Variants in SVOP observed in about 807,000 individuals in gnomAD.
SVOP encodes the protein SV2 related protein, also known as synaptic vesicle 2-related protein.
In SVOP, 17 loss-of-function variants were observed where a neutral mutation model predicts 69.1. The observed-to-expected ratio is 0.25, with a 90% CI of 0.17 to 0.37. The LOEUF (loss-of-function observed/expected upper bound fraction) is 0.37, where lower values mean the gene tolerates loss of function less well. SVOP is among the 10% of genes least tolerant of loss of function. SVOP has a pLI of 1.00. For missense variants in SVOP, 435 were observed against 597.5 expected, an observed-to-expected ratio of 0.73 and a Z score of 2.84; for synonymous variants, 238 against 238.6, an observed-to-expected ratio of 1.00 and a Z score of 0.02.
intron 11 of SVOP, among the ~76,000 whole-genome samples, chr12:108,931,133 G>A (rs2039815313): frequency 6.6e-6 from 1 of 152,102 alleles, no homozygotes; most frequent in Non-Finnish European, 1.5e-5. Flanking sequence ...TACAATCAAA[G>A]CACATCAGCA....
intron 11 of SVOP, among the ~76,000 whole-genome samples, chr12:108,932,564 A>G (rs2039828049): frequency 6.6e-6 from 1 of 152,180 alleles, no homozygotes; most frequent in South Asian, 2.1e-4. Flanking sequence ...TTAACTGCAA[A>G]CCAAAAATGA....
chr12:108,917,280 A>G (rs992877257), intron 14 of SVOP, among the ~76,000 whole-genome samples: 2 of 152,250 alleles, frequency 1.3e-5, no homozygotes, highest in African/African-American at 4.8e-5. Flanking sequence ...TTGCACATAT[A>G]TCTTCATTCA....
At chr12:108,938,011 T>C (rs1056522997) in intron 9 of SVOP, among the ~76,000 whole-genome samples, 5 of 152,180 alleles carry the variant, frequency 3.3e-5, no homozygotes, top group African/African-American at 9.6e-5. Context: ...GGCAACCAAA[T>C]AGGCTTCTGC....
chr12:109,014,647 A>G (rs1593211250), intron 1 of SVOP, among the ~76,000 whole-genome samples: 1 of 152,148 alleles, frequency 6.6e-6, no homozygotes, highest in Admixed American at 6.5e-5. Flanking sequence ...ACACTATTTT[A>G]TATTTCACCA....
chr12:108,912,611 T>A lies in SVOP; in HGVS notation c.1571A>T (p.Glu524Val), dbSNP rs1433583984. The change falls in exon 16 of 16, where the codon GAG becomes GTG. Residue 524 changes from glutamate to valine, a missense_variant. Coordinates refer to ENST00000610966, the MANE Select transcript of SVOP (RefSeq NM_018711.5). ...TCGGCCGACCATCTCCTGGCCCCAC[T>A]CCCGGTGGCTGGACTCCTGCAGTCC... The part of the protein sequence containing the change: ...GRGLQESSHR[E>V]WGQEMVGRGM... 19 of 1,613,740 alleles carry A rather than the reference T, an allele frequency of 1.2e-5. No individual in the cohort carries two copies. The highest frequency in any genetic ancestry group is 1.6e-5 in the Non-Finnish European group (19 of 1,179,818).
chr12:108,934,205 A>G lies in SVOP; in HGVS notation c.1038T>C (p.Asp346=). The change falls in exon 11 of 16, where the codon GAT becomes GAC. Residue 346 remains aspartate, a synonymous_variant. Coordinates refer to ENST00000610966, the MANE Select transcript of SVOP (RefSeq NM_018711.5). The part of the protein sequence containing the change: ...LLTTELFQAG[D]VCGISSRKKA... ...AACCAAGATACTCACTGCCGCAGAC[A>G]TCTCCTGCCTGGAAGAGTTCTGTGG... 1 of 1,603,772 alleles carries G rather than the reference A, an allele frequency of 6.2e-7. No individual in the cohort carries two copies. The highest frequency in any genetic ancestry group is 2.2e-5 in the East Asian group (1 of 44,624).
intron 6 of SVOP, among the ~76,000 whole-genome samples, chr12:108,950,367 C>T (rs146619425): frequency 1.2e-4 from 18 of 150,410 alleles, no homozygotes; most frequent in African/African-American, 4.2e-4. Flanking sequence ...GCATGAGCCA[C>T]CATGCCTGGC....
intron 2 of SVOP, among the ~76,000 whole-genome samples, chr12:108,978,917 A>G (rs1256811097): frequency 1.3e-5 from 2 of 152,272 alleles, no homozygotes; most frequent in African/African-American, 4.8e-5. Context: ...GATATTATAC[A>G]TATATAAATT....
chr12:108,974,923 AT>A (rs1053405232), intron 4 of SVOP, among the ~76,000 whole-genome samples: 4 of 152,192 alleles, frequency 2.6e-5, no homozygotes, highest in African/African-American at 9.7e-5. Flanking sequence ...AAGTGATATG[AT>A]AATTTTATTT....
chr12:109,020,762 C>CCT (rs1555254156), intron 1 of SVOP, 72 bp downstream of exon 1: 1 of 379,822 alleles, frequency 2.6e-6, no homozygotes, highest in South Asian at 2.0e-5. Context: ...GTACCCCCCC[C>CCT]CACCCCCCTT....
chr12:108,934,353 T>C, intron 10 of SVOP, 82 bp from the exon 11 acceptor site: 4 of 1,183,082 alleles, frequency 3.4e-6, no homozygotes, highest in Non-Finnish European at 4.8e-6. Flanking sequence ...GAAGGGCCAA[T>C]GTCTACAGCA....
chr12:108,999,959 A>G (rs2040258362), intron 1 of SVOP, among the ~76,000 whole-genome samples: 1 of 151,286 alleles, frequency 6.6e-6, no homozygotes, highest in Non-Finnish European at 1.5e-5. Flanking sequence ...AAATAACTAA[A>G]ATCAGAGCAG....
intron 11 of SVOP, 57 bp from the exon 12 acceptor site, chr12:108,922,854 C>T: frequency 1.6e-6 from 2 of 1,226,230 alleles, no homozygotes; most frequent in Non-Finnish European, 2.4e-6. Context: ...TGAATCACAC[C>T]TTCCTGCTCC....
At position 108,912,336 on chromosome 12, in the gene SVOP, C is replaced by A; in HGVS notation, c.*199G>T. On this transcript the variant is annotated 3_prime_UTR_variant, in exon 16 of 16. Coordinates refer to ENST00000610966, the MANE Select transcript of SVOP (RefSeq NM_018711.5). ...TTTCACCACATATACAGAGAACCCC[C>A]TAGAGCAAACATCTCCCCATCCCTG... is the stretch of plus-strand genomic sequence containing the variant. 1 of 1,441,454 alleles carries A rather than the reference C, an allele frequency of 6.9e-7. No homozygotes were observed. 89.3% of individuals were successfully genotyped at this position (1,441,454 alleles called of 1,614,324 possible).
At chr12:108,965,808 C>T (rs1443549444) in intron 5 of SVOP, among the ~76,000 whole-genome samples, 2 of 152,108 alleles carry the variant, frequency 1.3e-5, no homozygotes, top group East Asian at 1.9e-4. Flanking sequence ...GGAGTCCGAG[C>T]GCCTGCCAGG....
chr12:108,931,246 GA>G (rs1004572821), intron 11 of SVOP, among the ~76,000 whole-genome samples: 2 of 152,110 alleles, frequency 1.3e-5, no homozygotes, highest in African/African-American at 4.8e-5. Context: ...TATGATTATA[GA>G]GGCCTAATAT....
At chr12:108,997,521 CA>C (rs2040242483) in intron 1 of SVOP, among the ~76,000 whole-genome samples, 1 of 152,062 alleles carries the variant, frequency 6.6e-6, no homozygotes, top group Non-Finnish European at 1.5e-5. Flanking sequence ...CACAGACAAA[CA>C]AAAAGACAGC....
At position 108,938,910 on chromosome 12, in the gene SVOP, C is replaced by T; in HGVS notation, c.814G>A (p.Glu272Lys). 1 of 1,614,000 alleles carries T rather than the reference C, an allele frequency of 6.2e-7. No homozygotes were observed. The highest frequency in any genetic ancestry group is 8.5e-7 in the Non-Finnish European group (1 of 1,179,882). Residue 272 changes from glutamate to lysine, a missense_variant, in exon 9 of 16, where the codon GAA becomes AAA. By Grantham distance (56) the Glu-to-Lys change is moderately conservative. Coordinates refer to ENST00000610966, the MANE Select transcript of SVOP (RefSeq NM_018711.5). ...ARYDVLSGNQ[E>K]KAIATLKRIA... ...CTCTTTAAGGTGGCGATTGCCTTTT[C>T]CTGGTTCCCTGACAGCACATCATAC...
chr12:108,915,964 G>C, intron 14 of SVOP, 92 bp from the exon 15 acceptor site: 1 of 1,269,942 alleles, frequency 7.9e-7, no homozygotes, highest in South Asian at 1.6e-5. Context: ...TCAGGGGCAG[G>C]CCGGAAGTCA....
Sources: allele counts gnomAD v4.1 joint callset (sites outside exome capture counted in the v4.1 genomes callset), GRCh38; gene constraint gnomAD v4.1.1; transcripts MANE v1.5; gene names NCBI Gene and HGNC (gene_info 2026-07-23, HGNC 2026-07-21).